Variants in USP33 observed in about 807,000 individuals in gnomAD.
The protein encoded by USP33 is ubiquitin specific peptidase 33.
A neutral mutation model predicts 124.2 loss-of-function variants in USP33; 46 were observed. The observed-to-expected ratio is 0.37, with a 90% CI of 0.29 to 0.47. USP33 has a LOEUF of 0.47. USP33 is among the 20% of genes least tolerant of loss of function. The pLI, the probability that USP33 is intolerant of heterozygous loss-of-function variation, is 0.99. For missense variants in USP33, 851 were observed against 1,070.6 expected, an observed-to-expected ratio of 0.79 and a Z score of 2.86; for synonymous variants, 350 against 352.3, an observed-to-expected ratio of 0.99 and a Z score of 0.07.
At chr1:77,718,688 T>C (rs771468858) in intron 15 of USP33, 47 bp from the exon 16 acceptor site, 1 of 1,444,186 alleles carries the variant, frequency 6.9e-7, no homozygotes, top group Non-Finnish European at 9.6e-7. Context: ...AAAAACTTAG[T>C]ATATTTAAAT....
intron 21 of USP33, among the ~76,000 whole-genome samples, chr1:77,702,166 A>AAC (rs1674110410): frequency 7.9e-6 from 1 of 126,492 alleles, no homozygotes; most frequent in South Asian, 2.2e-4. Context: ...AAAAAAAAAA[A>AAC]AAAAAAAAAA....
At chr1:77,745,919 G>A (rs1233740418) in intron 1 of USP33, among the ~76,000 whole-genome samples, 1 of 151,994 alleles carries the variant, frequency 6.6e-6, no homozygotes, top group Non-Finnish European at 1.5e-5. Flanking sequence ...AATGCCCACA[G>A]GAGAAAGCAG....
chr1:77,741,565 A>C (rs963762601), intron 2 of USP33, 52 bp downstream of exon 2: 1 of 1,552,828 alleles, frequency 6.4e-7, no homozygotes, highest in East Asian at 2.3e-5. Context: ...AAAATTACAC[A>C]TTCAAGAGAA....
intron 22 of USP33, among the ~76,000 whole-genome samples, chr1:77,700,424 T>C (rs897092048): frequency 1.3e-5 from 2 of 152,080 alleles, no homozygotes; most frequent in South Asian, 2.1e-4. Context: ...TGTGAGACCA[T>C]GTCTCTACAA....
chr1:77,746,875 T>C (rs2101583987), intron 1 of USP33, among the ~76,000 whole-genome samples: 2 of 152,358 alleles, frequency 1.3e-5, no homozygotes, highest in South Asian at 4.1e-4. Flanking sequence ...TGATGGGACA[T>C]ATCTCAAAAT....
At chr1:77,729,662 C>A (rs2101465981) in intron 9 of USP33, among the ~76,000 whole-genome samples, 198 bp downstream of exon 9, 1 of 151,942 alleles carries the variant, frequency 6.6e-6, no homozygotes, top group East Asian at 1.9e-4. Flanking sequence ...TAGAGCAAGA[C>A]TCTGCCTCAA....
chr1:77,722,817 TGAA>T (rs761801620), intron 12 of USP33, among the ~76,000 whole-genome samples: 2 of 152,224 alleles, frequency 1.3e-5, no homozygotes, highest in Non-Finnish European at 2.9e-5. Context: ...AAAGAAACTT[TGAA>T]GAAGTGTTAT....
intron 1 of USP33, among the ~76,000 whole-genome samples, chr1:77,747,240 C>CTTTTTT (rs752560478): frequency 9.6e-6 from 1 of 103,870 alleles, no homozygotes; most frequent in Non-Finnish European, 2.0e-5. Flanking sequence ...GGCTTCTGGG[C>CTTTTTT]TTTTTTTTTT....
Position 77,723,256 on chromosome 1 carries a change from T to C in USP33, c.1389+75A>G, listed in dbSNP as rs1676781147. 3.6e-6 allele frequency: 4 copies of C among 1,104,110 alleles called. No individual in the cohort carries two copies. The South Asian group carries it at 5.4e-5, about 15-fold the overall frequency. The allele number at this position is 1,104,110 out of a possible 1,614,324, so 68.4% of individuals were successfully genotyped here. On this transcript the variant is annotated intron_variant, in intron 12 of 23. Transcript: ENST00000370794. ...ATAGCAAAGAGAAGGAATTAAACTT[T>C]TCACATCATCTTGTCACATTTTTAA...
intron 7 of USP33, among the ~76,000 whole-genome samples, chr1:77,731,619 C>T (rs1383206063): frequency 1.3e-5 from 2 of 151,854 alleles, no homozygotes; most frequent in Admixed American, 1.3e-4. Context: ...TCAAGCAATC[C>T]TCCCACCTTA....
Position 77,715,727 on chromosome 1 carries a change from A to C in USP33, c.2045+15T>G, listed in dbSNP as rs766034366. The C allele has an allele frequency of 1.1e-5, 17 of 1,611,696 alleles. No homozygotes were observed. The highest frequency in any genetic ancestry group is 9.3e-6 in the Non-Finnish European group (11 of 1,179,244). ...GTGAGAGATGTCCTTTCGCATCTAC[A>C]CTTATTTCCATTACCTATAGAAAAG... On this transcript the variant is annotated intron_variant, in intron 18 of 23. Transcript: ENST00000370794.
chr1:77,736,794 G>C (rs1678514224), intron 5 of USP33, among the ~76,000 whole-genome samples: 1 of 152,062 alleles, frequency 6.6e-6, no homozygotes, highest in Non-Finnish European at 1.5e-5. Context: ...ATTTTTAGTA[G>C]AGAAGGGGTT....
intron 1 of USP33, among the ~76,000 whole-genome samples, chr1:77,750,564 G>A (rs1036413004): frequency 6.6e-6 from 1 of 151,088 alleles, no homozygotes; most frequent in Middle Eastern, 3.4e-3. Flanking sequence ...AAAGGTTGCA[G>A]TGAGCCAAGA....
rs140861774 is a variant in USP33, at chr1:77,719,212, A to G, written c.1692-571T>C. On this transcript the variant is annotated intron_variant, in intron 15 of 23. Transcript: ENST00000370794. ...CATGTCTACTAAAATACAAAAAATT[A>G]GCCGGGCATGGTGGCGCACGCCTGT... Among the ~76,000 whole-genome samples, 1,074 of 152,132 alleles carry G rather than the reference A, an allele frequency of 7.1e-3. 15 individuals carry two copies. Among genetic ancestry groups the G allele is most frequent in the African/African-American group, 0.024 (1,002 of 41,516 alleles).
chr1:77,709,856 A>C (rs1675039168), intron 21 of USP33, among the ~76,000 whole-genome samples: 1 of 149,440 alleles, frequency 6.7e-6, no homozygotes, highest in Non-Finnish European at 1.5e-5. Flanking sequence ...GTTAAGAAAT[A>C]TCAAGTTTCT....
intron 15 of USP33, chr1:77,720,265 T>C: frequency 1.0e-6 from 1 of 968,036 alleles, no homozygotes; most frequent in Non-Finnish European, 1.2e-6. Flanking sequence ...AATATACATT[T>C]GACAGATCTC....
At chr1:77,757,735 G>T (rs1486672166) in intron 1 of USP33, among the ~76,000 whole-genome samples, 1 of 152,160 alleles carries the variant, frequency 6.6e-6, no homozygotes, top group African/African-American at 2.4e-5. Flanking sequence ...TTCCCAATCT[G>T]TATCAAAAGC....
intron 23 of USP33, 64 bp downstream of exon 23, chr1:77,697,799 A>G (rs1375642800): frequency 3.5e-6 from 5 of 1,434,406 alleles, no homozygotes; most frequent in African/African-American, 2.9e-5. Context: ...ATGACTAATG[A>G]TAACATATTT....
chr1:77,730,790 A>G lies in USP33; in HGVS notation c.525-59T>C, dbSNP rs1277893797. ...GTCAAAGCTAATACTGATTATTTCT[A>G]GTCATTCAATTAACTGACAACACAT... On this transcript the variant is annotated intron_variant, in intron 7 of 23. Coordinates refer to ENST00000370794, the MANE Select transcript of USP33 (RefSeq NM_201624.3). The G allele has an allele frequency of 6.8e-6, 8 of 1,169,704 alleles. No homozygotes were observed. The Admixed American group carries it at 7.3e-5, about 11-fold the overall frequency. 72.5% of individuals were successfully genotyped at this position (1,169,704 alleles called of 1,614,324 possible).
Sources: allele counts gnomAD v4.1 joint callset (sites outside exome capture counted in the v4.1 genomes callset), GRCh38; gene constraint gnomAD v4.1.1; transcripts MANE v1.5; gene names NCBI Gene and HGNC (gene_info 2026-07-23, HGNC 2026-07-21).